Variants in NTN1 observed in about 807,000 individuals in gnomAD.
NTN1 encodes the protein netrin 1.
Under a neutral mutation model 54.2 loss-of-function variants are expected in NTN1, and 11 were observed. That is an observed-to-expected ratio of 0.20 (90% CI 0.13 to 0.34). NTN1 has a LOEUF of 0.34. NTN1 is among the 10% of genes least tolerant of loss of function. The pLI is 1.00. For synonymous variants in NTN1, 371 were observed against 382.0 expected (o/e 0.97, Z 0.33); for missense variants, 740 against 893.1 (o/e 0.83, Z 2.18).
At chr17:9,187,486 A>C (rs2092436747) in intron 5 of NTN1, among the ~76,000 whole-genome samples, 1 of 152,156 alleles carries the variant, frequency 6.6e-6, no homozygotes, top group South Asian at 2.1e-4. Flanking sequence ...AGAATGTGGC[A>C]TATCTATACA....
intron 2 of NTN1, among the ~76,000 whole-genome samples, chr17:9,085,334 T>C (rs2092086800): frequency 6.6e-6 from 1 of 152,192 alleles, no homozygotes; most frequent in South Asian, 2.1e-4. Flanking sequence ...TCCAGCCTGC[T>C]GGAAGAGGGA....
intron 3 of NTN1, among the ~76,000 whole-genome samples, chr17:9,170,537 A>G (rs1480824435): frequency 6.6e-6 from 1 of 152,210 alleles, no homozygotes; most frequent in Non-Finnish European, 1.5e-5. Context: ...GGTTGGCCCT[A>G]ATGCTGTTGC....
chr17:9,181,805 C>G (rs2092419632), intron 4 of NTN1, among the ~76,000 whole-genome samples: 1 of 152,084 alleles, frequency 6.6e-6, no homozygotes, highest in Admixed American at 6.5e-5. Context: ...GAGTCCCTTC[C>G]TCTTAGGGAC....
intron 2 of NTN1, among the ~76,000 whole-genome samples, chr17:9,134,519 C>T (rs2092275284): frequency 6.6e-6 from 1 of 152,218 alleles, no homozygotes; most frequent in Non-Finnish European, 1.5e-5. Flanking sequence ...CTACTCACGT[C>T]AGGGCCTCTC....
intron 5 of NTN1, among the ~76,000 whole-genome samples, chr17:9,193,839 T>C (rs1904534795): frequency 1.4e-5 from 2 of 145,908 alleles, no homozygotes; most frequent in Non-Finnish European, 1.5e-5. Context: ...GGAGAATCAC[T>C]TGAACCTGGA....
intron 2 of NTN1, 51 bp downstream of exon 2, chr17:9,023,442 A>G (rs2091860202): frequency 1.5e-6 from 2 of 1,340,814 alleles, no homozygotes; most frequent in African/African-American, 1.5e-5. Flanking sequence ...CGCGGGCGGG[A>G]GCTGCTGGGC....
the NTN1 span, among the ~76,000 whole-genome samples, chr17:9,011,879 C>T: frequency 6.6e-6 from 1 of 152,152 alleles, no homozygotes; most frequent in Non-Finnish European, 1.5e-5. Flanking sequence ...TGAGACACTG[C>T]GCCTGGCCCT....
At chr17:9,033,945 A>G (rs566290734) in intron 2 of NTN1, among the ~76,000 whole-genome samples, 3 of 152,178 alleles carry the variant, frequency 2.0e-5, no homozygotes, top group Non-Finnish European at 2.9e-5. Context: ...GAAAAAGAAA[A>G]GAAAGAAAGT....
chr17:9,043,860 G>A (rs1303136888), intron 2 of NTN1, among the ~76,000 whole-genome samples: 3 of 152,004 alleles, frequency 2.0e-5, no homozygotes, highest in Admixed American at 1.3e-4. Flanking sequence ...GATTACAGGC[G>A]TGAACCACTG....
chr17:9,034,216 G>A (rs1239460348), intron 2 of NTN1, among the ~76,000 whole-genome samples: 2 of 152,098 alleles, frequency 1.3e-5, no homozygotes, highest in Non-Finnish European at 2.9e-5. Flanking sequence ...AGTGTGAGGA[G>A]CCCTGTGTTC....
intron 5 of NTN1, chr17:9,183,376 A>G (rs1567731953): frequency 8.3e-6 from 4 of 484,786 alleles, no homozygotes. Flanking sequence ...AGCAGAATGC[A>G]GGGGGCCCAG....
chr17:9,119,517 A>G (rs1471533323), intron 2 of NTN1, among the ~76,000 whole-genome samples: 1 of 143,758 alleles, frequency 7.0e-6, no homozygotes, highest in Non-Finnish European at 1.5e-5. Context: ...TTATTTATTT[A>G]TTAGAAACAA....
chr17:9,182,979 C>A lies in NTN1; in HGVS notation c.1411+10C>A. 1 of 1,613,794 alleles carries A rather than the reference C, an allele frequency of 6.2e-7. No homozygotes were observed. Among genetic ancestry groups the A allele is most frequent in the Non-Finnish European group, 8.5e-7 (1 of 1,179,832 alleles). On this transcript the variant is annotated intron_variant, in intron 5 of 6. Coordinates refer to ENST00000173229, the MANE Select transcript of NTN1 (RefSeq NM_004822.3). ...GTGGAGGAGCCTGAAGGTAAACGGCCCCCTTCGCTTCTCATTTCCCGCTTT... is the reference window on the plus strand; with the variant it reads ...GTGGAGGAGCCTGAAGGTAAACGGCACCCTTCGCTTCTCATTTCCCGCTTT...
intron 2 of NTN1, among the ~76,000 whole-genome samples, chr17:9,133,754 A>ATTTTTTT (rs57053201): frequency 2.9e-5 from 3 of 104,554 alleles, no homozygotes; most frequent in Non-Finnish European, 5.4e-5. Context: ...TGCCCAGCTA[A>ATTTTTTT]TTTTTTTTTT....
rs1033507535 is a variant in NTN1, at chr17:9,101,334, C to T, written c.1019-61479C>T. Among the ~76,000 whole-genome samples the T allele has an allele frequency of 2.6e-5, 4 of 152,176 alleles. No individual in the cohort carries two copies. In the East Asian group the frequency reaches 7.7e-4, roughly 29 times the overall value. ...CGTGAGACTCTTAAACAAGACCAGA[C>T]GTGGGTTACTCTTTGTTCCTCTACT... On this transcript the variant is annotated intron_variant, in intron 2 of 6. Coordinates refer to ENST00000173229, the MANE Select transcript of NTN1 (RefSeq NM_004822.3).
chr17:9,047,589 C>T (rs910509696), intron 2 of NTN1, among the ~76,000 whole-genome samples: 1 of 152,132 alleles, frequency 6.6e-6, no homozygotes, highest in African/African-American at 2.4e-5. Context: ...GTAATTATTT[C>T]CCCCACTGAA....
At chr17:9,046,717 G>A (rs147006255) in intron 2 of NTN1, among the ~76,000 whole-genome samples, 23 of 152,224 alleles carry the variant, frequency 1.5e-4, no homozygotes, top group African/African-American at 5.1e-4. Flanking sequence ...AGCCCAGGAG[G>A]TCGAGTTACA....
intron 2 of NTN1, among the ~76,000 whole-genome samples, chr17:9,143,301 C>T (rs2142282002): frequency 6.6e-6 from 1 of 152,270 alleles, no homozygotes; most frequent in South Asian, 2.1e-4. Flanking sequence ...GGCCAGGAAG[C>T]TGGGAGGCAT....
At chr17:9,177,587 G>A (rs1473577027) in intron 3 of NTN1, 1 of 152,238 alleles carries the variant, frequency 6.6e-6, no homozygotes, top group Non-Finnish European at 1.5e-5. Flanking sequence ...GAGGTCAGCC[G>A]GCCTGAGGCC....
Sources: allele counts gnomAD v4.1 joint callset (sites outside exome capture counted in the v4.1 genomes callset), GRCh38; gene constraint gnomAD v4.1.1; transcripts MANE v1.5; gene names NCBI Gene and HGNC (gene_info 2026-07-23, HGNC 2026-07-21).